SRRM4: variants seen among roughly 807,000 people sequenced by gnomAD.
The protein encoded by SRRM4 is serine/arginine repetitive matrix 4, also known as serine/arginine repetitive matrix protein 4.
In SRRM4, 33 loss-of-function variants were observed where a neutral mutation model predicts 68.9. The ratio of observed to expected loss-of-function variants is 0.48; its 90% CI spans 0.36 to 0.64. The LOEUF (loss-of-function observed/expected upper bound fraction) is 0.64, where lower values mean the gene tolerates loss of function less well. SRRM4 is among the 30% of genes least tolerant of loss of function. The probability of loss-of-function intolerance (pLI) is 0.00; values close to 1 mark genes in which losing one functional copy is unlikely to be tolerated. For missense variants in SRRM4, 817 were observed against 827.1 expected, an observed-to-expected ratio of 0.99 and a Z score of 0.15; for synonymous variants, 318 against 318.8, an observed-to-expected ratio of 1.00 and a Z score of 0.03.
intron 1 of SRRM4, among the ~76,000 whole-genome samples, chr12:119,082,405 G>A (rs779742584): frequency 6.6e-6 from 1 of 152,142 alleles, no homozygotes; most frequent in Admixed American, 6.5e-5. Context: ...TAGGGGCTTT[G>A]GCAGAAAACC....
intron 4 of SRRM4, 101 bp from the exon 5 acceptor site, chr12:119,120,149 C>G (rs761626804): frequency 1.5e-6 from 1 of 667,424 alleles, no homozygotes; most frequent in Non-Finnish European, 2.5e-6. Context: ...CCTCCTTTCT[C>G]TCCTTCTCTC....
intron 4 of SRRM4, among the ~76,000 whole-genome samples, chr12:119,117,376 G>A (rs1158809697): frequency 6.6e-6 from 1 of 152,176 alleles, no homozygotes; most frequent in African/African-American, 2.4e-5. Context: ...ATCTCTCCAT[G>A]TTGCAGGCCA....
At chr12:119,029,308 G>C (rs61937960) in intron 1 of SRRM4, among the ~76,000 whole-genome samples, 1 of 152,208 alleles carries the variant, frequency 6.6e-6, no homozygotes, top group South Asian at 2.1e-4. Flanking sequence ...GATTGAAGGC[G>C]CTGGGTATGC....
At position 119,034,949 on chromosome 12, in the gene SRRM4, C is replaced by T. The variant is rs184349098; in HGVS notation, c.131+52936C>T. Among the ~76,000 whole-genome samples the T allele has an allele frequency of 1.1e-4, 16 of 152,252 alleles. No individual in the cohort carries two copies. In the South Asian group the frequency reaches 1.7e-3, roughly 16 times the overall value. On this transcript the variant is annotated intron_variant, in intron 1 of 12. Coordinates refer to ENST00000267260, the MANE Select transcript of SRRM4 (RefSeq NM_194286.4). ...CTGAAATTTAGCCCTTTTACAATTA[C>T]GGTCATAACCAATATAACATCTTGT...
intron 1 of SRRM4, among the ~76,000 whole-genome samples, chr12:119,052,499 TTTG>T (rs532493541): frequency 1.1e-3 from 163 of 151,708 alleles, no homozygotes; most frequent in African/African-American, 3.0e-3. Flanking sequence ...TAACTGCTTT[TTTG>T]TTGTTGTTGT....
chr12:118,982,293 T>C (rs1953252688), intron 1 of SRRM4, among the ~76,000 whole-genome samples: 1 of 152,040 alleles, frequency 6.6e-6, no homozygotes, highest in Non-Finnish European at 1.5e-5. Flanking sequence ...GCAGATGGGG[T>C]ACGACTTGAC....
At chr12:119,066,965 T>C (rs1397823670) in intron 1 of SRRM4, among the ~76,000 whole-genome samples, 1 of 152,180 alleles carries the variant, frequency 6.6e-6, no homozygotes, top group Non-Finnish European at 1.5e-5. Flanking sequence ...TGGACCTCAG[T>C]ATTTCACTCT....
At chr12:119,096,786 A>G (rs543003388) in intron 1 of SRRM4, among the ~76,000 whole-genome samples, 2 of 152,212 alleles carry the variant, frequency 1.3e-5, no homozygotes, top group Admixed American at 6.5e-5. Context: ...TCTGCACCCA[A>G]TGCTGGGCCA....
At chr12:119,076,405 G>A (rs148503686) in intron 1 of SRRM4, among the ~76,000 whole-genome samples, 2 of 152,294 alleles carry the variant, frequency 1.3e-5, no homozygotes, top group Admixed American at 6.5e-5. Flanking sequence ...AATTCCAGGA[G>A]ATGGAAGCGT....
chr12:119,066,093 T>C (rs1465949606), intron 1 of SRRM4, among the ~76,000 whole-genome samples: 1 of 152,244 alleles, frequency 6.6e-6, no homozygotes, highest in African/African-American at 2.4e-5. Context: ...TACTTGTCAC[T>C]TTACTGGTTT....
At chr12:119,105,330 T>A (rs551057822) in intron 2 of SRRM4, among the ~76,000 whole-genome samples, 2 of 152,308 alleles carry the variant, frequency 1.3e-5, no homozygotes, top group East Asian at 3.9e-4. Context: ...TTTGGTTATA[T>A]ACCCAGTAAT....
Position 119,145,526 on chromosome 12 carries a change from G to T in SRRM4, c.917G>T (p.Gly306Val). The T allele has an allele frequency of 6.2e-7, 1 of 1,608,562 alleles. No individual in the cohort carries two copies. Among genetic ancestry groups the T allele is most frequent in the Non-Finnish European group, 8.5e-7 (1 of 1,176,778 alleles). ...CAAACCAGCTCAGCCAGGTCTCGGG[G>T]CCAGGAGAAGGGGAGCCCCAGTGGG... ...STQTSSARSR[G>V]QEKGSPSGGL... Residue 306 changes from glycine to valine, a missense_variant, in exon 9 of 13, where the codon GGC becomes GTC. Coordinates refer to ENST00000267260, the MANE Select transcript of SRRM4 (RefSeq NM_194286.4).
chr12:118,989,814 C>A (rs1009048223), intron 1 of SRRM4: 1 of 152,196 alleles, frequency 6.6e-6, no homozygotes, highest in Non-Finnish European at 1.5e-5. Flanking sequence ...GCTTAGATGC[C>A]GCTGTCGGAC....
At chr12:119,031,371 T>C (rs924914194) in intron 1 of SRRM4, 1 of 152,216 alleles carries the variant, frequency 6.6e-6, no homozygotes, top group Non-Finnish European at 1.5e-5. Flanking sequence ...CAATCTTACG[T>C]AACTTAACTA....
At chr12:119,092,335 A>C (rs1177238981) in intron 1 of SRRM4, among the ~76,000 whole-genome samples, 1 of 151,796 alleles carries the variant, frequency 6.6e-6, no homozygotes, top group East Asian at 1.9e-4. Context: ...TCTTCTCTGA[A>C]CTCCAGGCTC....
chr12:119,069,316 T>C (rs1953863956), intron 1 of SRRM4, among the ~76,000 whole-genome samples: 1 of 152,052 alleles, frequency 6.6e-6, no homozygotes, highest in Admixed American at 6.5e-5. Context: ...ACCAATTAGA[T>C]CAGAATCCCC....
At chr12:119,067,800 C>A (rs1045361034) in intron 1 of SRRM4, among the ~76,000 whole-genome samples, 1 of 152,210 alleles carries the variant, frequency 6.6e-6, no homozygotes, top group Non-Finnish European at 1.5e-5. Flanking sequence ...CATTATGTGG[C>A]CTTGGGCCTG....
Position 119,130,838 on chromosome 12 carries a change from A to C in SRRM4, c.771+4A>C. On this transcript the variant is annotated splice_donor_region_variant and intron_variant, in intron 8 of 12. Coordinates refer to ENST00000267260, the MANE Select transcript of SRRM4 (RefSeq NM_194286.4). Reference sequence around the variant, plus strand: ...CTACCTGTCAGCCAGGGGTGTAGTAAGTATTCTTCACAGCCTCCTCTGCCA... The same window carrying C: ...CTACCTGTCAGCCAGGGGTGTAGTACGTATTCTTCACAGCCTCCTCTGCCA... The C allele has an allele frequency of 1.2e-6, 2 of 1,601,252 alleles. No individual in the cohort carries two copies. Among genetic ancestry groups the C allele is most frequent in the Non-Finnish European group, 1.7e-6 (2 of 1,179,066 alleles).
intron 1 of SRRM4, among the ~76,000 whole-genome samples, chr12:119,023,305 G>A (rs1034020347): frequency 2.6e-5 from 4 of 152,154 alleles, no homozygotes; most frequent in African/African-American, 9.7e-5. Context: ...GATGAAACTG[G>A]GTGATTTTGC....
Sources: allele counts gnomAD v4.1 joint callset (sites outside exome capture counted in the v4.1 genomes callset), GRCh38; gene constraint gnomAD v4.1.1; transcripts MANE v1.5; gene names NCBI Gene and HGNC (gene_info 2026-07-23, HGNC 2026-07-21).